PRDM6: variants seen among roughly 807,000 people sequenced by gnomAD.
The protein encoded by PRDM6 is putative histone-lysine N-methyltransferase PRDM6.
PRDM6 carries 25 observed loss-of-function variants against 60.8 expected under a neutral mutation model. The observed-to-expected ratio is 0.41, with a 90% CI of 0.30 to 0.57. The LOEUF (loss-of-function observed/expected upper bound fraction) is 0.57. PRDM6 is among the 20% of genes least tolerant of loss of function. PRDM6 has a pLI of 0.27. For synonymous variants in PRDM6, 407 were observed against 357.4 expected (o/e 1.14, Z -1.57); for missense variants, 839 against 821.3 (o/e 1.02, Z -0.26).
intron 3 of PRDM6, among the ~76,000 whole-genome samples, chr5:123,144,519 T>TG (rs1015933032): frequency 1.3e-5 from 2 of 150,666 alleles, no homozygotes; most frequent in Non-Finnish European, 3.0e-5. Flanking sequence ...ATGAATGGGG[T>TG]GGGGGGATGG....
In PRDM6 at chr5:123,112,369, T is replaced by G. The variant is rs1260268723; in HGVS notation, c.900+12408T>G. On this transcript the variant is annotated intron_variant, in intron 3 of 7. Coordinates refer to ENST00000407847, the MANE Select transcript of PRDM6 (RefSeq NM_001136239.4). ...TCATATGGAGAACCCATATGTTCCT[T>G]GCATGACATTTGTGATTTGCAGTCT... Among the ~76,000 whole-genome samples the G allele has an allele frequency of 4.6e-5, 7 of 152,322 alleles. 1 individual carries two copies. The highest frequency in any genetic ancestry group is 1.7e-4 in the African/African-American group (7 of 41,568).
In PRDM6 at chr5:123,090,531, C is replaced by T. The variant is rs951821846; in HGVS notation, c.517C>T (p.Leu173=). Residue 173 remains leucine, a synonymous_variant, in exon 2 of 8, where the codon CTG becomes TTG. Transcript: ENST00000407847. ...APRFRCSAEE[L]DYYLYGQQRM... ...GCGCTTCCGCTGCAGCGCAGAGGAG[C>T]TGGACTATTACCTGTATGGCCAGCA... 9.9e-6 allele frequency: 15 copies of T among 1,514,966 alleles called. No homozygotes were observed. Among genetic ancestry groups the T allele is most frequent in the African/African-American group, 1.4e-5 (1 of 70,144 alleles). 93.8% of individuals were successfully genotyped at this position (1,514,966 alleles called of 1,614,324 possible).
chr5:123,179,200 T>C (rs760252341), intron 6 of PRDM6, among the ~76,000 whole-genome samples: 1 of 152,202 alleles, frequency 6.6e-6, no homozygotes, highest in Non-Finnish European at 1.5e-5. Context: ...AAAAATTGAT[T>C]TACTTCTCGT....
chr5:123,191,844 A>G lies in PRDM6; in HGVS notation c.*4643A>G, dbSNP rs1405076806. 1.3e-5 allele frequency: 2 copies of G among 152,222 alleles called. No homozygotes were observed. Among genetic ancestry groups the G allele is most frequent in the Admixed American group, 1.3e-4 (2 of 15,286 alleles). 9.4% of individuals were successfully genotyped at this position (152,222 alleles called of 1,614,324 possible). A position where few individuals can be genotyped will look rare whatever the true frequency, so the allele number is the denominator to read the frequency against. On this transcript the variant is annotated 3_prime_UTR_variant, in exon 8 of 8. Coordinates refer to ENST00000407847, the MANE Select transcript of PRDM6 (RefSeq NM_001136239.4). ...CTGTCAGGTACAACTGGCCAGACAG[A>G]GCCAAACTGAAAAGAATATTGCTTT...
At chr5:123,128,883 G>T (rs1764754560) in intron 3 of PRDM6, among the ~76,000 whole-genome samples, 1 of 151,980 alleles carries the variant, frequency 6.6e-6, no homozygotes, top group South Asian at 2.1e-4. Context: ...TTTCTTGTAG[G>T]GTTATGGTTT....
intron 5 of PRDM6, among the ~76,000 whole-genome samples, chr5:123,160,990 C>A (rs1017239841): frequency 6.6e-6 from 1 of 152,204 alleles, no homozygotes; most frequent in African/African-American, 2.4e-5. Flanking sequence ...AAAACTAGAT[C>A]TTTATCTATG....
intron 3 of PRDM6, among the ~76,000 whole-genome samples, chr5:123,105,792 C>T (rs1764187788): frequency 6.6e-6 from 1 of 152,188 alleles, no homozygotes; most frequent in South Asian, 2.1e-4. Context: ...GGTATAAGTA[C>T]TTAGCATAAA....
At chr5:123,134,628 T>C (rs1764911212) in intron 3 of PRDM6, among the ~76,000 whole-genome samples, 3 of 152,182 alleles carry the variant, frequency 2.0e-5, no homozygotes, top group Admixed American at 2.0e-4. Flanking sequence ...AGCTTTTTAA[T>C]GTGTCTGTCA....
intron 3 of PRDM6, among the ~76,000 whole-genome samples, chr5:123,141,259 A>C (rs968436188): frequency 2.6e-4 from 40 of 152,122 alleles, no homozygotes; most frequent in Middle Eastern, 3.4e-3. Context: ...GATAGATCTG[A>C]AATGATTTAG....
intron 7 of PRDM6, among the ~76,000 whole-genome samples, chr5:123,184,656 C>G (rs1402898446): frequency 6.6e-6 from 1 of 152,148 alleles, no homozygotes; most frequent in Non-Finnish European, 1.5e-5. Context: ...GCTCTGACTT[C>G]TGTTGAGTCA....
intron 3 of PRDM6, among the ~76,000 whole-genome samples, chr5:123,107,793 A>G (rs1161830767): frequency 6.6e-6 from 1 of 152,212 alleles, no homozygotes; most frequent in African/African-American, 2.4e-5. Flanking sequence ...AAAAGGGGAA[A>G]TGTTGTATTT....
chr5:123,118,559 G>T (rs769580445), intron 3 of PRDM6, among the ~76,000 whole-genome samples: 13 of 152,212 alleles, frequency 8.5e-5, no homozygotes, highest in Non-Finnish European at 1.6e-4. Context: ...CATTTGGGCT[G>T]ATAAAGATTA....
In PRDM6 at chr5:123,187,073, C is replaced by T. The variant is rs746204208; in HGVS notation, c.1674-14C>T. The T allele has an allele frequency of 6.5e-6, 10 of 1,548,210 alleles. No homozygotes were observed. Among genetic ancestry groups the T allele is most frequent in the East Asian group, 2.4e-5 (1 of 40,882 alleles). On this transcript the variant is annotated splice_polypyrimidine_tract_variant and intron_variant, in intron 7 of 7. Coordinates refer to ENST00000407847, the MANE Select transcript of PRDM6 (RefSeq NM_001136239.4). ...CCGCTCCCTGGTCTCAATTTTCTCTCTTGCCTCCACCAGGTGCGAGAGGTG... is the reference window on the plus strand; with the variant it reads ...CCGCTCCCTGGTCTCAATTTTCTCTTTTGCCTCCACCAGGTGCGAGAGGTG...
chr5:123,104,197 G>A (rs1764160926), intron 3 of PRDM6, among the ~76,000 whole-genome samples: 1 of 151,980 alleles, frequency 6.6e-6, no homozygotes, highest in Non-Finnish European at 1.5e-5. Context: ...ATATATTAAT[G>A]AAAACCAATA....
rs142472656 is a variant in PRDM6, at chr5:123,174,432, C to T, written c.1496+3324C>T. Among the ~76,000 whole-genome samples, 145 of 152,216 alleles carry T rather than the reference C, an allele frequency of 9.5e-4. 2 individuals carry two copies. The highest frequency in any genetic ancestry group is 3.1e-3 in the African/African-American group (130 of 41,528). ...TTTGATAGGAAAATCTTGCTAGAAC[C>T]AGGTACAAGAAAGGCAAGAAAGGGG... On this transcript the variant is annotated intron_variant, in intron 6 of 7. Transcript: ENST00000407847.
At chr5:123,183,733 G>A (rs984548918) in intron 7 of PRDM6, among the ~76,000 whole-genome samples, 1 of 152,164 alleles carries the variant, frequency 6.6e-6, no homozygotes, top group Non-Finnish European at 1.5e-5. Context: ...TTTTATTGCA[G>A]GCAGGCAGGA....
intron 5 of PRDM6, among the ~76,000 whole-genome samples, chr5:123,170,526 G>T (rs935492822): frequency 1.3e-5 from 2 of 152,136 alleles, no homozygotes; most frequent in Non-Finnish European, 2.9e-5. Flanking sequence ...CTCCATGAGG[G>T]CAAAGACCAT....
intron 3 of PRDM6, among the ~76,000 whole-genome samples, chr5:123,139,210 G>A (rs958628005): frequency 6.6e-6 from 1 of 152,114 alleles, no homozygotes; most frequent in Non-Finnish European, 1.5e-5. Flanking sequence ...CTTTATAGCA[G>A]CGTGAAAACA....
At chr5:123,143,032 G>A (rs1024676265) in intron 3 of PRDM6, among the ~76,000 whole-genome samples, 9 of 152,058 alleles carry the variant, frequency 5.9e-5, no homozygotes, top group South Asian at 4.1e-4. Context: ...GAACCTCCTC[G>A]AAAGTACATT....
Sources: allele counts gnomAD v4.1 joint callset (sites outside exome capture counted in the v4.1 genomes callset), GRCh38; gene constraint gnomAD v4.1.1; transcripts MANE v1.5; gene names NCBI Gene and HGNC (gene_info 2026-07-23, HGNC 2026-07-21).